The following FOXP1 variants were observed in gnomAD, a reference collection of about 807,000 sequenced individuals.
FOXP1 encodes the protein forkhead box protein P1.
FOXP1 carries 15 observed loss-of-function variants against 98.2 expected under a neutral mutation model. The observed-to-expected ratio is 0.15, with a 90% confidence interval of 0.10 to 0.24. FOXP1 has a LOEUF of 0.24. Among genes scored for constraint, FOXP1 ranks in the 10% least tolerant of loss-of-function variants. FOXP1 has a pLI of 1.00. For synonymous variants in FOXP1, 371 were observed against 314.5 expected (o/e 1.18, Z -1.90); for missense variants, 633 against 848.5 (o/e 0.75, Z 3.15).
chr3:71,503,232 T>C (rs1396283086), intron 2 of FOXP1, among the ~76,000 whole-genome samples: 1 of 152,158 alleles, frequency 6.6e-6, no homozygotes, highest in African/African-American at 2.4e-5. Flanking sequence ...AGAGTTCTCT[T>C]GGTCTCCATG....
chr3:71,575,345 A>G lies in FOXP1; in HGVS notation c.-298+6204T>C, dbSNP rs72963220. Among the ~76,000 whole-genome samples, 808 of 152,316 alleles carry G rather than the reference A, an allele frequency of 5.3e-3. 6 individuals are homozygous for G. Among genetic ancestry groups the G allele is most frequent in the African/African-American group, 0.019 (778 of 41,552 alleles). ...TAAATCACTTGATTCACAGGTCTCT[A>G]GCATGCATCAGAATTATCAAGGGAA... On this transcript the variant is annotated intron_variant, in intron 2 of 20. Transcript: ENST00000649528.
At chr3:71,139,990 C>T (rs1050929538) in intron 6 of FOXP1, among the ~76,000 whole-genome samples, 7 of 151,914 alleles carry the variant, frequency 4.6e-5, no homozygotes, top group African/African-American at 9.7e-5. Context: ...GTATGCAGAA[C>T]GTGTTTATTT....
intron 3 of FOXP1, among the ~76,000 whole-genome samples, chr3:71,443,226 G>A (rs192676728): frequency 3.9e-5 from 6 of 152,258 alleles, no homozygotes; most frequent in African/African-American, 1.4e-4. Context: ...CACAATAATT[G>A]TATGTATTCA....
intron 3 of FOXP1, among the ~76,000 whole-genome samples, chr3:71,484,071 C>T (rs1007698540): frequency 1.3e-5 from 2 of 152,142 alleles, no homozygotes; most frequent in African/African-American, 4.8e-5. Context: ...TACCCTGATA[C>T]CTTTTTAAAG....
chr3:71,414,490 G>A (rs1394460813), intron 3 of FOXP1, among the ~76,000 whole-genome samples: 2 of 152,300 alleles, frequency 1.3e-5, no homozygotes, highest in African/African-American at 2.4e-5. Context: ...GGCTTTTGCC[G>A]CCCACCAATA....
chr3:71,260,139 A>G (rs1055104867), intron 5 of FOXP1, among the ~76,000 whole-genome samples: 36 of 152,184 alleles, frequency 2.4e-4, no homozygotes, highest in African/African-American at 8.7e-4. Flanking sequence ...ACCTGCCACC[A>G]CGCCCACTAA....
At chr3:71,503,590 G>C (rs1012471750) in intron 2 of FOXP1, among the ~76,000 whole-genome samples, 3 of 111,870 alleles carry the variant, frequency 2.7e-5, no homozygotes, top group East Asian at 5.3e-4. Flanking sequence ...AACAGAACGA[G>C]ACTCTGTCTC....
At chr3:71,509,719 C>CA (rs1199790324) in intron 2 of FOXP1, among the ~76,000 whole-genome samples, 2 of 151,888 alleles carry the variant, frequency 1.3e-5, no homozygotes, top group Non-Finnish European at 2.9e-5. Context: ...TCTGTCTCTA[C>CA]AAAAAATTAA....
intron 5 of FOXP1, among the ~76,000 whole-genome samples, chr3:71,220,752 C>CAAAATAAAAT (rs3033235): frequency 0.21 from 28,402 of 132,472 alleles, 3,457 homozygotes; most frequent in East Asian, 0.39. Flanking sequence ...GACCCTGTCT[C>CAAAATAAAAT]AAAATAAAAT....
At chr3:71,157,176 C>A (rs948055122) in intron 6 of FOXP1, among the ~76,000 whole-genome samples, 1 of 152,256 alleles carries the variant, frequency 6.6e-6, no homozygotes. Context: ...GTTGATAGGA[C>A]AACCAAACAG....
chr3:71,284,297 G>C (rs1293770247), intron 5 of FOXP1, among the ~76,000 whole-genome samples: 1 of 152,126 alleles, frequency 6.6e-6, no homozygotes, highest in Non-Finnish European at 1.5e-5. Context: ...AGGCACAGTG[G>C]TTCACGCCTG....
intron 2 of FOXP1, among the ~76,000 whole-genome samples, chr3:71,576,462 A>T (rs1423763471): frequency 6.6e-6 from 1 of 152,240 alleles, no homozygotes; most frequent in African/African-American, 2.4e-5. Flanking sequence ...GTTCCATTTG[A>T]GTAGACCTGT....
chr3:71,047,045 C>G lies in FOXP1; in HGVS notation c.561G>C (p.Gln187His), dbSNP rs1258482654. 1 of 1,613,986 alleles carries G rather than the reference C, an allele frequency of 6.2e-7. No individual in the cohort carries two copies. The highest frequency in any genetic ancestry group is 8.5e-7 in the Non-Finnish European group (1 of 1,179,978). The change falls in exon 10 of 21, where the codon CAG (glutamine) becomes CAC (histidine). Residue 187 changes from glutamine to histidine, a missense_variant. Physicochemically the swap from Gln to His is conservative, Grantham distance 24 (BLOSUM62 0). Around this residue, in one of 6 missense-constraint regions of FOXP1, gnomAD observed 210 missense variants for 270.6 expected, o/e 0.78. Transcript: ENST00000649528. ...QQLAFQQQLL[Q>H]MQQLQQQHLL... ...GGTGCTGCTGCTGTAACTGCTGCAT[C>G]TGTAAAAGCTGCTGCTGAAAAGCCA...
At chr3:71,240,752 A>G (rs181891359) in intron 5 of FOXP1, among the ~76,000 whole-genome samples, 341 of 150,848 alleles carry the variant, frequency 2.3e-3, no homozygotes, top group Middle Eastern at 6.8e-3. Flanking sequence ...TCACCATGTT[A>G]GCCAGGATGG....
intron 5 of FOXP1, among the ~76,000 whole-genome samples, chr3:71,239,901 C>T (rs2067105881): frequency 6.6e-6 from 1 of 152,144 alleles, no homozygotes; most frequent in East Asian, 1.9e-4. Context: ...TACAATTTGC[C>T]ATGGCAATAC....
At chr3:71,234,652 G>C (rs1044987332) in intron 5 of FOXP1, among the ~76,000 whole-genome samples, 8 of 152,156 alleles carry the variant, frequency 5.3e-5, no homozygotes, top group African/African-American at 1.9e-4. Context: ...ATGAGTCTAA[G>C]GCATTTTCCT....
chr3:70,967,707 T>TG (rs1559586302), intron 19 of FOXP1, among the ~76,000 whole-genome samples: 49 of 124,812 alleles, frequency 3.9e-4, no homozygotes, highest in Non-Finnish European at 5.3e-4. Flanking sequence ...TTTGTTTTTT[T>TG]TTGTTTTTTT....
At chr3:71,424,163 C>G (rs2083894374) in intron 3 of FOXP1, among the ~76,000 whole-genome samples, 1 of 152,088 alleles carries the variant, frequency 6.6e-6, no homozygotes, top group Non-Finnish European at 1.5e-5. Flanking sequence ...AAGAACTGCG[C>G]TGAAGGATGG....
chr3:71,095,506 T>A (rs2056372330), intron 7 of FOXP1, among the ~76,000 whole-genome samples: 1 of 152,200 alleles, frequency 6.6e-6, no homozygotes, highest in South Asian at 2.1e-4. Context: ...CAGTTGGTCT[T>A]CCTAGTTCCA....
Sources: gnomAD v4.1 joint callset for allele counts (sites outside exome capture counted in the v4.1 genomes callset) on GRCh38, gnomAD v4.1.1 for gene constraint, gnomAD v4.1.1 regional missense constraint, MANE v1.5 for transcripts, NCBI Gene and HGNC (gene_info 2026-07-23, HGNC 2026-07-21) for gene names.